Variants in GBE1 observed in about 807,000 individuals in gnomAD.
GBE1 encodes the protein 1,4-alpha-glucan branching enzyme 1, also known as 1,4-alpha-glucan-branching enzyme.
A neutral mutation model predicts 88.8 loss-of-function variants in GBE1; 70 were observed. The ratio of observed to expected loss-of-function variants is 0.79; its 90% confidence interval spans 0.65 to 0.96. The LOEUF is 0.96. Ranked by LOEUF, GBE1 falls within the 40% of genes least tolerant of loss-of-function variation. The probability of loss-of-function intolerance (pLI) is 0.00; values close to 1 mark genes in which losing one functional copy is unlikely to be tolerated. For synonymous variants in GBE1, 284 were observed against 300.1 expected (o/e 0.95, Z 0.56); for missense variants, 872 against 871.0 (o/e 1.00, Z -0.01).
chr3:81,565,231 T>C (rs570591520), intron 12 of GBE1, among the ~76,000 whole-genome samples: 1 of 152,338 alleles, frequency 6.6e-6, no homozygotes, highest in Non-Finnish European at 1.5e-5. Context: ...CTCAGTTTTA[T>C]AGACTTCTAT....
chr3:81,585,259 TA>T (rs1222713999), intron 10 of GBE1, among the ~76,000 whole-genome samples: 6 of 152,080 alleles, frequency 3.9e-5, no homozygotes, highest in African/African-American at 9.7e-5. Context: ...AAGAAATGAT[TA>T]TAGTAACCAC....
intron 7 of GBE1, among the ~76,000 whole-genome samples, chr3:81,621,275 G>T (rs1250345622): frequency 2.6e-5 from 4 of 152,122 alleles, no homozygotes; most frequent in Non-Finnish European, 4.4e-5. Context: ...TATACCTCCT[G>T]CTGTGGCTTA....
intron 14 of GBE1, among the ~76,000 whole-genome samples, chr3:81,524,113 C>T (rs1702910731): frequency 4.0e-5 from 6 of 151,826 alleles, no homozygotes; most frequent in Admixed American, 4.0e-4. Flanking sequence ...GACAACCCCA[C>T]CAACAGTGTA....
chr3:81,626,737 TAAAAAA>T (rs58831741), intron 7 of GBE1, among the ~76,000 whole-genome samples: 1 of 141,446 alleles, frequency 7.1e-6, no homozygotes, highest in Non-Finnish European at 1.5e-5. Flanking sequence ...TCAGACTCAT[TAAAAAA>T]AAAAAAAAAA....
intron 7 of GBE1, among the ~76,000 whole-genome samples, chr3:81,634,394 T>C (rs528511624): frequency 2.2e-4 from 33 of 152,310 alleles, no homozygotes; most frequent in African/African-American, 7.9e-4. Flanking sequence ...AACCACCCAC[T>C]TTATATTGTG....
chr3:81,556,736 C>A (rs993005792), intron 12 of GBE1, among the ~76,000 whole-genome samples: 2 of 152,008 alleles, frequency 1.3e-5, no homozygotes, highest in Non-Finnish European at 2.9e-5. Context: ...TGCAGTTTTA[C>A]GCTTTCTAAT....
chr3:81,697,222 G>A (rs1216648204), intron 2 of GBE1, among the ~76,000 whole-genome samples: 1 of 151,986 alleles, frequency 6.6e-6, no homozygotes, highest in Non-Finnish European at 1.5e-5. Flanking sequence ...ACGTTTACCA[G>A]TTTTGTATAA....
chr3:81,688,776 T>C (rs1337218816), intron 2 of GBE1, among the ~76,000 whole-genome samples: 1 of 151,740 alleles, frequency 6.6e-6, no homozygotes, highest in African/African-American at 2.4e-5. Flanking sequence ...TGAATGTATT[T>C]ACTTGTATTT....
At chr3:81,669,138 T>A (rs1576193043) in intron 3 of GBE1, among the ~76,000 whole-genome samples, 1 of 152,170 alleles carries the variant, frequency 6.6e-6, no homozygotes, top group Non-Finnish European at 1.5e-5. Context: ...GATTGGGAAC[T>A]TTCCTCGGCT....
At chr3:81,668,222 G>A (rs1576192693) in intron 3 of GBE1, among the ~76,000 whole-genome samples, 2 of 152,052 alleles carry the variant, frequency 1.3e-5, no homozygotes, top group South Asian at 2.1e-4. Flanking sequence ...TGTGGGGTGG[G>A]GGTGAAGGGA....
intron 3 of GBE1, among the ~76,000 whole-genome samples, chr3:81,667,300 C>A (rs1380186828): frequency 1.3e-5 from 2 of 152,040 alleles, no homozygotes; most frequent in African/African-American, 4.8e-5. Flanking sequence ...GATTTTGTAT[C>A]CTGAGACTCC....
intron 7 of GBE1, among the ~76,000 whole-genome samples, chr3:81,598,964 G>T (rs1011640611): frequency 2.0e-5 from 3 of 151,874 alleles, no homozygotes; most frequent in African/African-American, 4.8e-5. Flanking sequence ...TATCCACTGA[G>T]CTCCAGTTAT....
intron 5 of GBE1, among the ~76,000 whole-genome samples, chr3:81,647,373 C>T (rs555877530): frequency 2.6e-5 from 4 of 152,096 alleles, no homozygotes; most frequent in South Asian, 2.1e-4. Context: ...TACAAACACA[C>T]GTCACCTTCC....
chr3:81,750,666 T>C (rs1395709674), intron 1 of GBE1, among the ~76,000 whole-genome samples: 1 of 79,686 alleles, frequency 1.3e-5, no homozygotes, highest in Non-Finnish European at 2.1e-5. Flanking sequence ...TATGTATATA[T>C]ATATATACGT....
chr3:81,674,177 T>C (rs6773341), intron 2 of GBE1, among the ~76,000 whole-genome samples: 1 of 151,936 alleles, frequency 6.6e-6, no homozygotes, highest in African/African-American at 2.4e-5. Context: ...CCTTTATTAG[T>C]GTTTCTTCTT....
chr3:81,724,372 G>A (rs1706079138), intron 1 of GBE1, among the ~76,000 whole-genome samples: 1 of 152,078 alleles, frequency 6.6e-6, no homozygotes, highest in South Asian at 2.1e-4. Context: ...ATGATAATAA[G>A]TGCATTAAGA....
At chr3:81,505,376 A>T (rs1210161703) in intron 14 of GBE1, among the ~76,000 whole-genome samples, 1 of 152,196 alleles carries the variant, frequency 6.6e-6, no homozygotes, top group Non-Finnish European at 1.5e-5. Flanking sequence ...GCTGAAAAGC[A>T]AGGAGAGTTT....
chr3:81,739,062 G>A (rs777149663), intron 1 of GBE1, among the ~76,000 whole-genome samples: 3 of 152,012 alleles, frequency 2.0e-5, no homozygotes, highest in African/African-American at 4.8e-5. Flanking sequence ...GAGCTTCTTC[G>A]TGCCTCTCTT....
chr3:81,709,892 T>C (rs934431227), intron 1 of GBE1, among the ~76,000 whole-genome samples: 1 of 152,172 alleles, frequency 6.6e-6, no homozygotes, highest in Non-Finnish European at 1.5e-5. Flanking sequence ...TATTTTGCTA[T>C]GGATTTACAG....
Sources: allele counts gnomAD v4.1 joint callset (sites outside exome capture counted in the v4.1 genomes callset), GRCh38; gene constraint gnomAD v4.1.1; transcripts MANE v1.5; gene names NCBI Gene and HGNC (gene_info 2026-07-23, HGNC 2026-07-21).